Variants in RAD51B observed in about 807,000 individuals in gnomAD.
RAD51B encodes the protein RAD51 paralog B.
Under a neutral mutation model 42.2 loss-of-function variants are expected in RAD51B, and 38 were observed. The ratio of observed to expected loss-of-function variants is 0.90; its 90% CI spans 0.70 to 1.18. The LOEUF (loss-of-function observed/expected upper bound fraction) is 1.18, where lower values mean the gene tolerates loss of function less well. Ranked by LOEUF, RAD51B falls within the 50% of genes most tolerant of loss-of-function variation. The pLI, the probability that RAD51B is intolerant of heterozygous loss-of-function variation, is 0.00. For missense variants in RAD51B, 373 were observed against 400.7 expected, an observed-to-expected ratio of 0.93 and a Z score of 0.59; for synonymous variants, 154 against 145.2, an observed-to-expected ratio of 1.06 and a Z score of -0.43.
chr14:68,571,337 G>T (rs540536132), intron 10 of RAD51B, among the ~76,000 whole-genome samples: 1 of 152,312 alleles, frequency 6.6e-6, no homozygotes, highest in Admixed American at 6.5e-5. Context: ...GAGGTCAGAA[G>T]TCCAAAATGG....
At chr14:68,081,958 C>CTTTTTA (rs1187465970) in intron 7 of RAD51B, among the ~76,000 whole-genome samples, 4 of 151,368 alleles carry the variant, frequency 2.6e-5, no homozygotes, top group Non-Finnish European at 5.9e-5. Context: ...TTTCTTTTTT[C>CTTTTTA]TTTTTCTTTT....
chr14:68,185,411 A>G (rs1018452106), intron 7 of RAD51B, among the ~76,000 whole-genome samples: 3 of 152,234 alleles, frequency 2.0e-5, no homozygotes, highest in Non-Finnish European at 1.5e-5. Context: ...CCATAGATCC[A>G]AAATGCATAT....
At chr14:68,473,334 C>T (rs1202288422) in intron 10 of RAD51B, among the ~76,000 whole-genome samples, 1 of 152,210 alleles carries the variant, frequency 6.6e-6, no homozygotes, top group Non-Finnish European at 1.5e-5. Flanking sequence ...CCCAGCCTGC[C>T]AGGTGCCACT....
chr14:67,871,088 G>C (rs1595038034), intron 5 of RAD51B, among the ~76,000 whole-genome samples: 1 of 152,072 alleles, frequency 6.6e-6, no homozygotes, highest in Non-Finnish European at 1.5e-5. Context: ...ACTAAAATCA[G>C]AGCAGAACTG....
At chr14:68,078,164 A>G (rs563792256) in intron 7 of RAD51B, among the ~76,000 whole-genome samples, 11 of 152,180 alleles carry the variant, frequency 7.2e-5, no homozygotes, top group Admixed American at 2.0e-4. Flanking sequence ...ATATAGTTCA[A>G]TTGAGTCGCT....
At chr14:68,207,972 T>G (rs1427960938) in intron 7 of RAD51B, among the ~76,000 whole-genome samples, 2 of 152,222 alleles carry the variant, frequency 1.3e-5, no homozygotes, top group Non-Finnish European at 2.9e-5. Flanking sequence ...AATATTATTT[T>G]ATTTCTAACT....
chr14:68,457,502 T>G (rs1450265992), intron 9 of RAD51B, among the ~76,000 whole-genome samples: 1 of 152,212 alleles, frequency 6.6e-6, no homozygotes, highest in Non-Finnish European at 1.5e-5. Context: ...TAGAAAGAAT[T>G]GGTGGCCCAT....
At chr14:68,313,860 C>T (rs2082007809) in intron 8 of RAD51B, among the ~76,000 whole-genome samples, 1 of 152,162 alleles carries the variant, frequency 6.6e-6, no homozygotes, top group South Asian at 2.1e-4. Flanking sequence ...TAGGATTGTT[C>T]ACTACCAGGA....
chr14:68,501,193 A>T (rs1357714129), intron 10 of RAD51B, among the ~76,000 whole-genome samples: 1 of 152,202 alleles, frequency 6.6e-6, no homozygotes, highest in Non-Finnish European at 1.5e-5. Flanking sequence ...TCAGTGCAAG[A>T]TAAAGTCAGG....
chr14:68,386,472 T>C (rs2083596903), intron 8 of RAD51B, among the ~76,000 whole-genome samples: 2 of 152,222 alleles, frequency 1.3e-5, no homozygotes, highest in African/African-American at 4.8e-5. Flanking sequence ...ACTGAATATC[T>C]TACACCTCTC....
chr14:67,841,797 A>G (rs2041438659), intron 4 of RAD51B, among the ~76,000 whole-genome samples: 1 of 152,174 alleles, frequency 6.6e-6, no homozygotes, highest in African/African-American at 2.4e-5. Flanking sequence ...TTGTACCAGT[A>G]CCATGCCGTT....
intron 10 of RAD51B, among the ~76,000 whole-genome samples, chr14:68,590,538 T>C (rs562763833): frequency 6.6e-6 from 1 of 152,310 alleles, no homozygotes; most frequent in South Asian, 2.1e-4. Context: ...TTTTAGTCTA[T>C]CTATGGCAAA....
intron 10 of RAD51B, among the ~76,000 whole-genome samples, chr14:68,500,092 C>T (rs1300842779): frequency 1.3e-5 from 2 of 152,146 alleles, no homozygotes; most frequent in African/African-American, 2.4e-5. Flanking sequence ...TTCCCTCTTG[C>T]GTTCCTCATA....
chr14:67,990,842 C>T (rs2075284548), intron 7 of RAD51B, among the ~76,000 whole-genome samples: 1 of 152,086 alleles, frequency 6.6e-6, no homozygotes, highest in Non-Finnish European at 1.5e-5. Context: ...AAGCTATGAT[C>T]CTACAGCTAC....
In RAD51B at chr14:68,390,642, A is replaced by G. The variant is rs181378389; in HGVS notation, c.854-20782A>G. 5.3e-5 allele frequency among the ~76,000 whole-genome samples: 8 copies of G among 152,348 alleles called. No individual in the cohort carries two copies. In the East Asian group the frequency reaches 7.7e-4, roughly 15 times the overall value. The stretch of plus-strand genomic sequence containing the variant: ...ATACTGTGGCTGGGAAAAGTGATGG[A>G]GCAAATCTATGCAGAGATACAATAG... On this transcript the variant is annotated intron_variant, in intron 8 of 10. Transcript: ENST00000471583.
intron 7 of RAD51B, among the ~76,000 whole-genome samples, chr14:68,042,048 G>T (rs1220083998): frequency 6.6e-6 from 1 of 152,214 alleles, no homozygotes; most frequent in Non-Finnish European, 1.5e-5. Flanking sequence ...GCTGGCTATA[G>T]ATTCTGAAGT....
At chr14:68,434,425 A>G (rs907895364) in intron 9 of RAD51B, among the ~76,000 whole-genome samples, 2 of 152,118 alleles carry the variant, frequency 1.3e-5, no homozygotes, top group African/African-American at 4.8e-5. Flanking sequence ...TTGTTTACCT[A>G]TTCAAGCCTC....
intron 10 of RAD51B, among the ~76,000 whole-genome samples, chr14:68,560,108 G>A (rs937771483): frequency 9.2e-5 from 14 of 152,052 alleles, no homozygotes; most frequent in Admixed American, 5.2e-4. Context: ...ATTTTTCCTC[G>A]GAGTGACTTC....
chr14:68,348,454 G>A (rs934849551), intron 8 of RAD51B, among the ~76,000 whole-genome samples: 1 of 152,150 alleles, frequency 6.6e-6, no homozygotes, highest in Non-Finnish European at 1.5e-5. Context: ...GTGCTCTCAG[G>A]TTAAAATGGT....
Sources: gnomAD v4.1 joint callset for allele counts (sites outside exome capture counted in the v4.1 genomes callset) on GRCh38, gnomAD v4.1.1 for gene constraint, MANE v1.5 for transcripts, NCBI Gene and HGNC (gene_info 2026-07-23, HGNC 2026-07-21) for gene names.